Variants in VWA8 observed in about 807,000 individuals in gnomAD.
VWA8 encodes the protein von Willebrand factor A domain containing 8, also known as von Willebrand factor A domain-containing protein 8.
In VWA8, 221 loss-of-function variants were observed where a neutral mutation model predicts 241.5. That is an observed-to-expected ratio of 0.91 (90% CI 0.82 to 1.02). The LOEUF (loss-of-function observed/expected upper bound fraction) is 1.02. VWA8 is among the 50% of genes least tolerant of loss of function. The probability of loss-of-function intolerance (pLI) is 0.00; values close to 1 mark genes in which losing one functional copy is unlikely to be tolerated. For missense variants in VWA8, 2,322 were observed against 2,328.7 expected (o/e 1.00, Z 0.06); for synonymous variants, 852 against 827.1 (o/e 1.03, Z -0.52).
chr13:41,800,355 T>A (rs9594631), intron 17 of VWA8, among the ~76,000 whole-genome samples: 1 of 152,170 alleles, frequency 6.6e-6, no homozygotes, highest in Non-Finnish European at 1.5e-5. Flanking sequence ...CCTTTTGAGT[T>A]TGGATAAGAG....
intron 42 of VWA8, among the ~76,000 whole-genome samples, chr13:41,583,345 T>C (rs1291377271): frequency 1.3e-5 from 2 of 151,930 alleles, no homozygotes; most frequent in Non-Finnish European, 2.9e-5. Context: ...GAAAATCCAG[T>C]ATAACAAACA....
At chr13:41,701,345 A>C in intron 28 of VWA8, 47 bp downstream of exon 28, 1 of 1,479,880 alleles carries the variant, frequency 6.8e-7, no homozygotes, top group Non-Finnish European at 8.9e-7. Flanking sequence ...CCATCTTTTA[A>C]AAAAACATGT....
Position 41,587,677 on chromosome 13 carries a change from G to A in VWA8, c.5113-7C>T. 3.7e-6 allele frequency: 6 copies of A among 1,613,890 alleles called. No homozygotes were observed. The highest frequency in any genetic ancestry group is 5.1e-6 in the Non-Finnish European group (6 of 1,179,850). On this transcript the variant is annotated splice_polypyrimidine_tract_variant and splice_region_variant and intron_variant, in intron 41 of 44. Transcript: ENST00000379310. Reference sequence around the variant, plus strand: ...TCTGTTGTGGGCTGCCAAGCTGAGGGAAGGAATAACAGAAAAGCCGTTTGT... The same window carrying A: ...TCTGTTGTGGGCTGCCAAGCTGAGGAAAGGAATAACAGAAAAGCCGTTTGT...
chr13:41,770,901 C>CA (rs71096541), intron 20 of VWA8, among the ~76,000 whole-genome samples: 159 of 98,352 alleles, frequency 1.6e-3, no homozygotes, highest in African/African-American at 4.4e-3. Flanking sequence ...CTTAAAATGA[C>CA]AAAAAAAAAA....
At position 41,804,856 on chromosome 13, in the gene VWA8, G is replaced by C. The variant is rs578116969; in HGVS notation, c.2063+6369C>G. On this transcript the variant is annotated intron_variant, in intron 17 of 44. Transcript: ENST00000379310. ...TAAGTTGTCATCAGTTTAAAATAACGAGTTATAAGGCATTATATGCAAGCC... is the reference window on the plus strand; with the variant it reads ...TAAGTTGTCATCAGTTTAAAATAACCAGTTATAAGGCATTATATGCAAGCC... 2.6e-5 allele frequency among the ~76,000 whole-genome samples: 4 copies of C among 152,116 alleles called. No homozygotes were observed. The South Asian group carries it at 8.3e-4, about 32-fold the overall frequency.
chr13:41,890,260 A>G (rs1048672069), intron 5 of VWA8, among the ~76,000 whole-genome samples: 1 of 152,218 alleles, frequency 6.6e-6, no homozygotes, highest in Non-Finnish European at 1.5e-5. Context: ...GAGCAAGATC[A>G]AGAAGTATGA....
At chr13:41,733,136 C>T (rs927215404) in intron 21 of VWA8, among the ~76,000 whole-genome samples, 5 of 151,926 alleles carry the variant, frequency 3.3e-5, no homozygotes, top group African/African-American at 4.9e-5. Flanking sequence ...CAGACCTGGA[C>T]GTTATACTTG....
chr13:41,691,908 G>A lies in VWA8; in HGVS notation c.3706C>T (p.His1236Tyr). ...ETYKMCKEFSHKNWLVFYKEK... is the reference protein window; with the variant it reads ...ETYKMCKEFSYKNWLVFYKEK... ...TTGTAGAACACCAGCCAGTTTTTGT[G>A]TGAAAATTCTTTACACATTTTATAA... Residue 1236 changes from histidine to tyrosine, a missense_variant, in exon 31 of 45, where the codon CAC becomes TAC. Transcript: ENST00000379310. 6.2e-7 allele frequency: 1 copy of A among 1,610,328 alleles called. No individual in the cohort carries two copies. Among genetic ancestry groups the A allele is most frequent in the Non-Finnish European group, 8.5e-7 (1 of 1,177,246 alleles).
At chr13:41,907,451 A>T in intron 4 of VWA8, 135 bp downstream of exon 4, 1 of 595,442 alleles carries the variant, frequency 1.7e-6, no homozygotes, top group Non-Finnish European at 2.7e-6. Context: ...CTAAAAATCT[A>T]AATTAAATCT....
chr13:41,738,090 T>G lies in VWA8; in HGVS notation c.2427-5935A>C, dbSNP rs2045539306. 2.0e-5 allele frequency among the ~76,000 whole-genome samples: 3 copies of G among 152,152 alleles called. No individual in the cohort carries two copies. The South Asian group carries it at 6.2e-4, about 32-fold the overall frequency. On this transcript the variant is annotated intron_variant, in intron 21 of 44. Transcript: ENST00000379310. ...AGTAAGGAAGACAAAAGAGCAAGAA[T>G]GAGAGACAGAAGGAATATTATTATA...
In VWA8 at chr13:41,711,852, C is replaced by T. The variant is rs539665338; in HGVS notation, c.3116+7739G>A. Among the ~76,000 whole-genome samples the T allele has an allele frequency of 1.2e-4, 18 of 151,060 alleles. No individual in the cohort carries two copies. In the East Asian group the frequency reaches 1.4e-3, roughly 11 times the overall value. ...TCATGCCACTGCACTCCAGCCTGGG[C>T]GACAGAGCGAGACTCTGTCTCAAAC... On this transcript the variant is annotated intron_variant, in intron 26 of 44. Coordinates refer to ENST00000379310, the MANE Select transcript of VWA8 (RefSeq NM_015058.2).
intron 10 of VWA8, 136 bp from the exon 11 acceptor site, chr13:41,866,172 A>C: frequency 9.0e-7 from 1 of 1,107,288 alleles, no homozygotes; most frequent in Non-Finnish European, 1.3e-6. Context: ...ATATGGTGAA[A>C]CCCCATCTCT....
chr13:41,657,030 C>T (rs1049415359), intron 37 of VWA8, among the ~76,000 whole-genome samples: 8 of 152,106 alleles, frequency 5.3e-5, no homozygotes, highest in Non-Finnish European at 1.2e-4. Context: ...TCAAAGTATG[C>T]CATCCCTTTG....
At chr13:41,714,782 T>C (rs1230070356) in intron 26 of VWA8, among the ~76,000 whole-genome samples, 1 of 151,966 alleles carries the variant, frequency 6.6e-6, no homozygotes, top group African/African-American at 2.4e-5. Flanking sequence ...CTTTGAACTA[T>C]GGCTAAAATC....
At chr13:41,615,163 T>C in intron 37 of VWA8, 79 bp from the exon 38 acceptor site, 1 of 1,423,492 alleles carries the variant, frequency 7.0e-7, no homozygotes, top group South Asian at 1.3e-5. Flanking sequence ...AAAATTATTT[T>C]CTCCTAAGTC....
At chr13:41,897,571 T>A (rs570664242) in intron 4 of VWA8, among the ~76,000 whole-genome samples, 34 of 152,312 alleles carry the variant, frequency 2.2e-4, no homozygotes, top group Non-Finnish European at 5.9e-5. Flanking sequence ...TAAAGTATTG[T>A]GTCCGAAATT....
chr13:41,740,659 T>C (rs1327106415), intron 21 of VWA8, among the ~76,000 whole-genome samples: 2 of 152,204 alleles, frequency 1.3e-5, no homozygotes, highest in East Asian at 3.8e-4. Context: ...ATGTGCAGCA[T>C]TTTCTGACTC....
chr13:41,574,897 C>T (rs1279968837), intron 43 of VWA8, among the ~76,000 whole-genome samples: 9 of 152,032 alleles, frequency 5.9e-5, no homozygotes, highest in African/African-American at 2.2e-4. Flanking sequence ...TCCAGTAATC[C>T]CATTAATAGG....
At chr13:41,691,525 C>T (rs2045177491) in intron 31 of VWA8, 80 bp from the exon 32 acceptor site, 2 of 1,480,784 alleles carry the variant, frequency 1.4e-6, no homozygotes, top group Non-Finnish European at 1.8e-6. Context: ...TTTCATGATA[C>T]ATTATGCAAC....
Sources: allele counts gnomAD v4.1 joint callset (sites outside exome capture counted in the v4.1 genomes callset), GRCh38; gene constraint gnomAD v4.1.1; transcripts MANE v1.5; gene names NCBI Gene and HGNC (gene_info 2026-07-23, HGNC 2026-07-21).